Variants in TLK1 observed in about 807,000 individuals in gnomAD.
The protein encoded by TLK1 is serine/threonine-protein kinase tousled-like 1.
TLK1 carries 24 observed loss-of-function variants against 105.3 expected under a neutral mutation model. The observed-to-expected ratio is 0.23, with a 90% CI of 0.17 to 0.32. The LOEUF is 0.32. Ranked by LOEUF, TLK1 falls within the 10% of genes least tolerant of loss-of-function variation. The pLI is 1.00. For synonymous variants in TLK1, 321 were observed against 310.4 expected (o/e 1.03, Z -0.36); for missense variants, 558 against 910.5 (o/e 0.61, Z 4.98).
At chr2:171,018,655 C>G (rs1034363133) in intron 12 of TLK1, among the ~76,000 whole-genome samples, 3 of 152,140 alleles carry the variant, frequency 2.0e-5, no homozygotes, top group African/African-American at 7.2e-5. Flanking sequence ...AAACTCATAG[C>G]AAAACTAGGC....
chr2:171,071,758 A>G (rs910067368), intron 3 of TLK1, among the ~76,000 whole-genome samples: 1 of 152,160 alleles, frequency 6.6e-6, no homozygotes, highest in African/African-American at 2.4e-5. Context: ...ATTTTTGTAT[A>G]TGGTGAGAGA....
At chr2:171,175,971 T>C (rs1483506761) in intron 1 of TLK1, among the ~76,000 whole-genome samples, 1 of 152,102 alleles carries the variant, frequency 6.6e-6, no homozygotes, top group Non-Finnish European at 1.5e-5. Flanking sequence ...AGTTTCACTC[T>C]TGTTGCCCAG....
At chr2:171,006,091 TA>T (rs1284567370) in intron 18 of TLK1, 55 bp downstream of exon 18, 5 of 1,437,354 alleles carry the variant, frequency 3.5e-6, no homozygotes, top group Non-Finnish European at 4.6e-6. Flanking sequence ...ACTAAATTAT[TA>T]TAAAAGCACT....
intron 1 of TLK1, among the ~76,000 whole-genome samples, chr2:171,143,559 AGGT>A (rs1426445756): frequency 7.5e-6 from 1 of 132,686 alleles, no homozygotes; most frequent in Non-Finnish European, 1.6e-5. Context: ...AAAAAAAAAA[AGGT>A]GGGGGAGGTG....
In TLK1 at chr2:170,993,370, A is replaced by G. The variant is rs1683873619; in HGVS notation, c.*410T>C. On this transcript the variant is annotated 3_prime_UTR_variant, in exon 21 of 21. Transcript: ENST00000431350. ...TTCGTATGTTAGAAATATGTCTCAT[A>G]TTTTTCCATGTGTTTTTAAATAATG... is the stretch of plus-strand genomic sequence containing the variant. The G allele has an allele frequency of 6.5e-6, 1 of 154,598 alleles. No individual in the cohort carries two copies. Among genetic ancestry groups the G allele is most frequent in the Admixed American group, 6.5e-5 (1 of 15,312 alleles). 9.6% of individuals were successfully genotyped at this position (154,598 alleles called of 1,614,324 possible).
At chr2:171,140,657 G>C (rs1691536776) in intron 1 of TLK1, among the ~76,000 whole-genome samples, 1 of 152,174 alleles carries the variant, frequency 6.6e-6, no homozygotes, top group Non-Finnish European at 1.5e-5. Flanking sequence ...CTATGTTTCT[G>C]TCAAAATTAA....
intron 11 of TLK1, 27 bp downstream of exon 11, chr2:171,046,147 A>T: frequency 6.7e-7 from 1 of 1,494,832 alleles, no homozygotes; most frequent in African/African-American, 1.4e-5. Flanking sequence ...CAATTTTAAA[A>T]AAGAAAAATT....
At chr2:171,227,164 C>T (rs1693911933) in intron 1 of TLK1, among the ~76,000 whole-genome samples, 1 of 152,158 alleles carries the variant, frequency 6.6e-6, no homozygotes, top group Non-Finnish European at 1.5e-5. Flanking sequence ...CTCCCTACTA[C>T]CCCTCCATGT....
At chr2:171,081,113 C>T (rs934920599) in intron 3 of TLK1, among the ~76,000 whole-genome samples, 1 of 152,128 alleles carries the variant, frequency 6.6e-6, no homozygotes, top group Non-Finnish European at 1.5e-5. Context: ...ATTTCAAATG[C>T]CAGTATGGTC....
At chr2:171,161,559 A>G (rs1575641627), upstream of TLK1, among the ~76,000 whole-genome samples, 1 of 152,324 alleles carries the variant, frequency 6.6e-6, no homozygotes, top group African/African-American at 2.4e-5. Context: ...TAATGAGGAA[A>G]TTGAAAATTA....
At chr2:171,022,098 C>CACAGACAG (rs760493142) in intron 12 of TLK1, among the ~76,000 whole-genome samples, 1 of 150,984 alleles carries the variant, frequency 6.6e-6, no homozygotes, top group Non-Finnish European at 1.5e-5. Flanking sequence ...CACACACACA[C>CACAGACAG]ACACACACAC....
chr2:171,010,120 C>T lies in TLK1; in HGVS notation c.1416+1253G>A, dbSNP rs572383794. Among the ~76,000 whole-genome samples the T allele has an allele frequency of 2.6e-4, 39 of 152,122 alleles. No homozygotes were observed. The South Asian group carries it at 6.6e-3, about 26-fold the overall frequency. On this transcript the variant is annotated intron_variant, in intron 14 of 20. Transcript: ENST00000431350. ...AAGAAGACAATCAGCTATGAGGTTC[C>T]GGAAGAAGCCTTGAGCTAAGAGACA...
intron 2 of TLK1, among the ~76,000 whole-genome samples, chr2:171,104,221 A>G (rs1276656151): frequency 6.6e-6 from 1 of 151,490 alleles, no homozygotes; most frequent in Non-Finnish European, 1.5e-5. Context: ...GGTTGCAGTG[A>G]GCCGAGATTG....
At chr2:170,999,835 T>G (rs1370932229) in intron 18 of TLK1, among the ~76,000 whole-genome samples, 1 of 152,074 alleles carries the variant, frequency 6.6e-6, no homozygotes, top group Non-Finnish European at 1.5e-5. Flanking sequence ...CACGGCTCAC[T>G]GCAGCCTCGA....
At chr2:171,206,026 A>C (rs1368983262) in intron 1 of TLK1, among the ~76,000 whole-genome samples, 1 of 152,216 alleles carries the variant, frequency 6.6e-6, no homozygotes, top group Non-Finnish European at 1.5e-5. Context: ...TACTGCAGTA[A>C]ATGAAACTAT....
At chr2:171,102,231 T>C (rs1458287893) in intron 2 of TLK1, among the ~76,000 whole-genome samples, 1 of 152,208 alleles carries the variant, frequency 6.6e-6, no homozygotes, top group African/African-American at 2.4e-5. Flanking sequence ...AAATCCTCAA[T>C]TGACCCTGCC....
At chr2:171,124,491 G>C (rs911634923) in intron 1 of TLK1, among the ~76,000 whole-genome samples, 1 of 152,186 alleles carries the variant, frequency 6.6e-6, no homozygotes, top group Admixed American at 6.6e-5. Flanking sequence ...AAGCCAGTCA[G>C]GATATTTGTC....
At position 171,046,327 on chromosome 2, in the gene TLK1, A is replaced by G. The variant is rs1297294525; in HGVS notation, c.1016T>C (p.Ile339Thr). The change falls in exon 11 of 21, where the codon ATT becomes ACT. Residue 339 changes from isoleucine (I) to threonine (T), a missense_variant. Around this residue, in one of 5 missense-constraint regions of TLK1, gnomAD observed 218 missense variants for 492.9 expected, o/e 0.44. Transcript: ENST00000431350. ...GGCTAGAAGTTTCCTTTGCCTTTCA[A>G]TATCTTCCCTTTGCTGATTCACCCA... ...QEWVNQQREDIERQRKLLAKR... is the reference protein window; with the variant it reads ...QEWVNQQREDTERQRKLLAKR... The G allele has an allele frequency of 6.2e-7, 1 of 1,611,674 alleles. No homozygotes were observed. The highest frequency in any genetic ancestry group is 8.5e-7 in the Non-Finnish European group (1 of 1,179,080).
At chr2:171,221,349 G>A (rs981461650) in intron 1 of TLK1, among the ~76,000 whole-genome samples, 1 of 152,110 alleles carries the variant, frequency 6.6e-6, no homozygotes, top group African/African-American at 2.4e-5. Flanking sequence ...TGGATGCTCG[G>A]CGTATGACTT....
Sources: allele counts gnomAD v4.1 joint callset (sites outside exome capture counted in the v4.1 genomes callset), GRCh38; gene constraint gnomAD v4.1.1; regional missense constraint gnomAD v4.1.1; transcripts MANE v1.5; gene names NCBI Gene and HGNC (gene_info 2026-07-23, HGNC 2026-07-21).